RBFOX2: variants seen among roughly 807,000 people sequenced by gnomAD.
RBFOX2 encodes the protein RNA binding fox-1 homolog 2.
Under a neutral mutation model 49.1 loss-of-function variants are expected in RBFOX2, and 10 were observed. That is an observed-to-expected ratio of 0.20 (90% confidence interval 0.13 to 0.35). The LOEUF is 0.35. Ranked by LOEUF, RBFOX2 falls within the 10% of genes least tolerant of loss-of-function variation. The pLI is 1.00. For missense variants in RBFOX2, 323 were observed against 486.9 expected (o/e 0.66, Z 3.17); for synonymous variants, 183 against 187.4 (o/e 0.98, Z 0.19).
chr22:35,963,052 T>A (rs1200236512), upstream of RBFOX2, among the ~76,000 whole-genome samples: 1 of 100,028 alleles, frequency 1.0e-5, no homozygotes. Flanking sequence ...GGGCACCAAC[T>A]CTCCAGCAAA....
intron 1 of RBFOX2, chr22:35,824,386 T>A (rs1368523261): frequency 3.9e-5 from 6 of 152,196 alleles, no homozygotes; most frequent in African/African-American, 1.4e-4. Flanking sequence ...AAGATCAGAA[T>A]GCAGTCTAAA....
chr22:35,764,089 G>C (rs889121933), intron 6 of RBFOX2, among the ~76,000 whole-genome samples: 4 of 152,150 alleles, frequency 2.6e-5, no homozygotes, highest in Non-Finnish European at 1.5e-5. Context: ...GGTAAAGTGG[G>C]AGGCAGTGGT....
At chr22:35,815,221 T>C (rs1322622688) in intron 1 of RBFOX2, among the ~76,000 whole-genome samples, 1 of 152,206 alleles carries the variant, frequency 6.6e-6, no homozygotes. Context: ...ATTCCAATTA[T>C]ACCACTTACC....
intron 1 of RBFOX2, among the ~76,000 whole-genome samples, chr22:35,901,460 G>A (rs73413871): frequency 0.077 from 11,685 of 151,612 alleles, 462 homozygotes; most frequent in South Asian, 0.086. Flanking sequence ...ACCAGCCTGG[G>A]CAACATAGTA....
chr22:35,856,433 T>G (rs2042517797), intron 1 of RBFOX2, among the ~76,000 whole-genome samples: 1 of 152,170 alleles, frequency 6.6e-6, no homozygotes, highest in African/African-American at 2.4e-5. Context: ...GCCACAATCC[T>G]GCCAAATGTT....
chr22:35,950,741 G>C (rs914892641), intron 1 of RBFOX2, among the ~76,000 whole-genome samples: 5 of 152,076 alleles, frequency 3.3e-5, no homozygotes, highest in Non-Finnish European at 7.4e-5. Context: ...GAAGTGTTTG[G>C]TGGTATTGAG....
intron 1 of RBFOX2, among the ~76,000 whole-genome samples, chr22:35,846,330 T>TTGTG (rs35272106): frequency 0.016 from 2,189 of 140,422 alleles, 26 homozygotes; most frequent in East Asian, 0.036. Flanking sequence ...ATTTATATAG[T>TTGTG]TGTGTGTGTG....
intron 1 of RBFOX2, among the ~76,000 whole-genome samples, chr22:35,835,309 G>GT (rs1957459571): frequency 6.6e-6 from 1 of 152,168 alleles, no homozygotes; most frequent in African/African-American, 2.4e-5. Context: ...GGGTAAGGGG[G>GT]GGCTGTATCA....
At chr22:35,798,176 T>C (rs541241861) in intron 2 of RBFOX2, among the ~76,000 whole-genome samples, 3 of 152,262 alleles carry the variant, frequency 2.0e-5, no homozygotes, top group East Asian at 3.9e-4. Context: ...GGTTTCACCA[T>C]GTTGGTTAGG....
chr22:36,014,785 C>CTA (rs1422890978), intron 1 of RBFOX2, among the ~76,000 whole-genome samples: 1 of 152,172 alleles, frequency 6.6e-6, no homozygotes, highest in African/African-American at 2.4e-5. Context: ...TACAGGTTAT[C>CTA]TATTAATCAT....
At chr22:35,800,068 T>A (rs1025735827) in intron 2 of RBFOX2, among the ~76,000 whole-genome samples, 1 of 152,114 alleles carries the variant, frequency 6.6e-6, no homozygotes, top group African/African-American at 2.4e-5. Flanking sequence ...TCAGGTCAAG[T>A]ATAAACTTCA....
intron 1 of RBFOX2, among the ~76,000 whole-genome samples, chr22:35,954,319 C>CT (rs923768315): frequency 2.6e-5 from 4 of 152,160 alleles, no homozygotes; most frequent in African/African-American, 9.7e-5. Flanking sequence ...ACATAAAGCT[C>CT]TTAACACAGA....
intron 1 of RBFOX2, among the ~76,000 whole-genome samples, chr22:35,981,692 C>G (rs2057463367): frequency 6.6e-6 from 1 of 151,172 alleles, no homozygotes; most frequent in Non-Finnish European, 1.5e-5. Context: ...AAGCATTCAC[C>G]AAAGTTAATT....
At chr22:35,876,590 G>A (rs10483192) in intron 1 of RBFOX2, among the ~76,000 whole-genome samples, 33,811 of 151,822 alleles carry the variant, frequency 0.22, 5,878 homozygotes, top group African/African-American at 0.49. Flanking sequence ...CTGAAAAAGG[G>A]TATTGTAGTC....
chr22:35,977,747 T>TATATATATATAG (rs1569517080), intron 1 of RBFOX2, among the ~76,000 whole-genome samples: 11 of 138,806 alleles, frequency 7.9e-5, no homozygotes, highest in African/African-American at 3.0e-4. Flanking sequence ...TATATATATA[T>TATATATATATAG]ATATATATAT....
chr22:35,771,089 T>C (rs902043917), intron 4 of RBFOX2, among the ~76,000 whole-genome samples: 39 of 152,180 alleles, frequency 2.6e-4, no homozygotes, highest in African/African-American at 9.4e-4. Flanking sequence ...GGCCAAATAA[T>C]GGCTTCCCAA....
intron 2 of RBFOX2, among the ~76,000 whole-genome samples, chr22:35,793,456 T>C (rs1050350501): frequency 6.6e-6 from 1 of 152,214 alleles, no homozygotes; most frequent in Admixed American, 6.5e-5. Flanking sequence ...ATCATATGCA[T>C]TCCTTCTCAC....
intron 11 of RBFOX2, among the ~76,000 whole-genome samples, chr22:35,745,034 CAT>C (rs1479238919): frequency 6.6e-6 from 1 of 152,196 alleles, no homozygotes; most frequent in African/African-American, 2.4e-5. Context: ...CATTTATAAA[CAT>C]ATATTCCCTC....
upstream of RBFOX2, among the ~76,000 whole-genome samples, chr22:35,963,402 T>G (rs2056370380): frequency 6.6e-6 from 1 of 152,148 alleles, no homozygotes; most frequent in African/African-American, 2.4e-5. Flanking sequence ...GACACCATGG[T>G]TCCACTGGCT....
Sources: allele counts gnomAD v4.1 joint callset (sites outside exome capture counted in the v4.1 genomes callset), GRCh38; gene constraint gnomAD v4.1.1; transcripts MANE v1.5; gene names NCBI Gene and HGNC (gene_info 2026-07-23, HGNC 2026-07-21).